PRKN: variants seen among roughly 807,000 people sequenced by gnomAD.
PRKN encodes the protein E3 ubiquitin-protein ligase parkin.
In PRKN, 56 loss-of-function variants were observed where a neutral mutation model predicts 59.5. That is an observed-to-expected ratio of 0.94 (90% CI 0.76 to 1.18). PRKN has a LOEUF of 1.18. Among genes scored for constraint, PRKN ranks in the 50% most tolerant of loss-of-function variants. The pLI is 0.00. For missense variants in PRKN, 657 were observed against 596.4 expected (o/e 1.10, Z -1.06); for synonymous variants, 250 against 222.1 (o/e 1.13, Z -1.12).
chr6:161,980,446 C>T (rs1781217438), intron 5 of PRKN, among the ~76,000 whole-genome samples: 1 of 152,092 alleles, frequency 6.6e-6, no homozygotes, highest in South Asian at 2.1e-4. Context: ...GAAAACAGGG[C>T]CCACACCAGG....
intron 1 of PRKN, among the ~76,000 whole-genome samples, chr6:162,561,571 AAAAC>A (rs1779847508): frequency 6.6e-6 from 1 of 152,190 alleles, no homozygotes; most frequent in Non-Finnish European, 1.5e-5. Flanking sequence ...TAAAAAAACA[AAAAC>A]AAAAACAAAA....
intron 4 of PRKN, among the ~76,000 whole-genome samples, chr6:162,072,833 T>A (rs912550087): frequency 2.0e-5 from 3 of 152,152 alleles, no homozygotes; most frequent in Non-Finnish European, 4.4e-5. Flanking sequence ...GGACTGATAG[T>A]TAAATGAGAT....
At chr6:161,985,128 C>A (rs764009919) in intron 5 of PRKN, among the ~76,000 whole-genome samples, 1 of 152,172 alleles carries the variant, frequency 6.6e-6, no homozygotes, top group Non-Finnish European at 1.5e-5. Context: ...GTGACTTATG[C>A]GATGTCATCT....
chr6:161,494,155 T>C (rs977427618), intron 9 of PRKN, among the ~76,000 whole-genome samples: 2 of 152,182 alleles, frequency 1.3e-5, no homozygotes, highest in Admixed American at 6.5e-5. Flanking sequence ...TTCATAATTA[T>C]TTGGCAGCTT....
chr6:162,613,218 T>C (rs1435469142), intron 1 of PRKN, among the ~76,000 whole-genome samples: 1 of 152,204 alleles, frequency 6.6e-6, no homozygotes, highest in African/African-American at 2.4e-5. Flanking sequence ...TGATAAGATA[T>C]TCCTTGCACT....
At chr6:162,050,200 G>T (rs1777575063) in intron 5 of PRKN, among the ~76,000 whole-genome samples, 8 of 151,956 alleles carry the variant, frequency 5.3e-5, no homozygotes. Context: ...CAATTAAAAT[G>T]GTATCAACAG....
chr6:161,548,947 C>T lies in PRKN; in HGVS notation c.990G>A (p.Val330=), dbSNP rs1435817559. 6.2e-7 allele frequency: 1 copy of T among 1,613,992 alleles called. No homozygotes were observed. The highest frequency in any genetic ancestry group is 2.2e-5 in the East Asian group (1 of 44,864). Residue 330 remains valine (V), a synonymous_variant, in exon 9 of 12, where the codon GTG becomes GTA. Transcript: ENST00000366898. The surrounding 1 kb of genome is among the most constrained non-coding windows in gnomAD (Gnocchi z 4.2). ...CTCCACAGCCAGGGCGGGGGCATAA[C>T]ACGCCCCCCATCTGCAGGACACACT... The part of the protein sequence containing the change: ...AEECVLQMGG[V]LCPRPGCGAG...
At chr6:161,638,388 G>A (rs1356537917) in intron 7 of PRKN, among the ~76,000 whole-genome samples, 1 of 152,112 alleles carries the variant, frequency 6.6e-6, no homozygotes, top group East Asian at 1.9e-4. Context: ...TCCTGCCTCG[G>A]CGTCCCAAAG....
chr6:162,019,547 G>A (rs937469715), intron 5 of PRKN, among the ~76,000 whole-genome samples: 5 of 152,086 alleles, frequency 3.3e-5, no homozygotes, highest in Non-Finnish European at 5.9e-5. Flanking sequence ...GGCTTATTGC[G>A]CTGATGTGTA....
rs553397535 is a variant in PRKN, at chr6:161,497,331, G to C, written c.1083+51523C>G. Among the ~76,000 whole-genome samples, 17 of 152,296 alleles carry C rather than the reference G, an allele frequency of 1.1e-4. No homozygotes were observed. The highest frequency in any genetic ancestry group is 8.5e-4 in the Admixed American group (13 of 15,310). On this transcript the variant is annotated intron_variant, in intron 9 of 11. Coordinates refer to ENST00000366898, the MANE Select transcript of PRKN (RefSeq NM_004562.3). The surrounding 1 kb of genome is among the most constrained non-coding windows in gnomAD (Gnocchi z 4.6). ...GGTGTCCCCACTACAGGAAGAAAGA[G>C]AGACATCATCATTCAGCTCTCACAG...
Position 161,503,976 on chromosome 6 carries a change from AT to A in PRKN, c.1083+44877del, listed in dbSNP as rs2115309592. Among the ~76,000 whole-genome samples the A allele has an allele frequency of 6.6e-6, 1 of 152,262 alleles. No individual in the cohort carries two copies. The highest frequency in any genetic ancestry group is 2.1e-4 in the South Asian group (1 of 4,826). On this transcript the variant is annotated intron_variant, in intron 9 of 11. Transcript: ENST00000366898. The surrounding 1 kb of genome is among the most constrained non-coding windows in gnomAD (Gnocchi z 5.1). ...AACCTAATTCTTTGCTATATCCATG[AT>A]CTGGATTTTCAGCCTTGACTTCTAG...
At chr6:162,276,476 A>G (rs540197151) in intron 2 of PRKN, among the ~76,000 whole-genome samples, 1 of 152,264 alleles carries the variant, frequency 6.6e-6, no homozygotes, top group East Asian at 1.9e-4. Context: ...AGATACTTGC[A>G]TTCATTTTTT....
intron 2 of PRKN, among the ~76,000 whole-genome samples, chr6:162,365,394 T>C (rs1445557327): frequency 6.6e-6 from 1 of 152,180 alleles, no homozygotes; most frequent in Non-Finnish European, 1.5e-5. Context: ...ATTTAACCAT[T>C]CCCCTACTGA....
chr6:161,912,242 G>C (rs1467711712), intron 6 of PRKN, among the ~76,000 whole-genome samples: 1 of 151,498 alleles, frequency 6.6e-6, no homozygotes, highest in African/African-American at 2.4e-5. Context: ...TATCTTCCTT[G>C]AGCGGACGTT....
In PRKN at chr6:161,407,589, G is replaced by A. The variant is rs936571310; in HGVS notation, c.1084-20712C>T. 2.0e-5 allele frequency among the ~76,000 whole-genome samples: 3 copies of A among 152,146 alleles called. No homozygotes were observed. The highest frequency in any genetic ancestry group is 4.4e-5 in the Non-Finnish European group (3 of 68,036). On this transcript the variant is annotated intron_variant, in intron 9 of 11. Transcript: ENST00000366898. This position sits in a 1 kb window ranked among gnomAD's most constrained non-coding sequence, Gnocchi z 4.9. ...CAAAAAGGTACTTCTTAGAGTTGAG[G>A]ATAAGTGTTGGATGCAAAGCTGTCA...
chr6:162,727,519 G>T, intron 1 of PRKN, 143 bp downstream of exon 1: 1 of 913,044 alleles, frequency 1.1e-6, no homozygotes, highest in Non-Finnish European at 1.6e-6. Context: ...GAGCCCGGCG[G>T]CGCGGGCCGG....
intron 1 of PRKN, among the ~76,000 whole-genome samples, chr6:162,511,268 CACTT>C (rs1374232997): frequency 4.0e-5 from 6 of 151,682 alleles, no homozygotes; most frequent in Non-Finnish European, 7.4e-5. Flanking sequence ...GTGTTTGTAG[CACTT>C]ACTGAGATAC....
At chr6:162,408,276 T>G (rs1465065730) in intron 2 of PRKN, among the ~76,000 whole-genome samples, 1 of 151,956 alleles carries the variant, frequency 6.6e-6, no homozygotes, top group East Asian at 1.9e-4. Context: ...CCTCTAAAAT[T>G]TCCCAACTAT....
At chr6:162,426,168 T>C (rs1789229414) in intron 2 of PRKN, among the ~76,000 whole-genome samples, 1 of 152,234 alleles carries the variant, frequency 6.6e-6, no homozygotes, top group African/African-American at 2.4e-5. Context: ...AAATGCCTTG[T>C]CAGATACCGC....
Sources: allele counts gnomAD v4.1 joint callset (sites outside exome capture counted in the v4.1 genomes callset), GRCh38; gene constraint gnomAD v4.1.1; non-coding constraint Gnocchi (gnomAD v3.1); transcripts MANE v1.5; gene names NCBI Gene and HGNC (gene_info 2026-07-23, HGNC 2026-07-21).